Variants in EDIL3 observed in about 807,000 individuals in gnomAD.
The protein encoded by EDIL3 is EGF like and discoidin domains 3.
Under a neutral mutation model 67.4 loss-of-function variants are expected in EDIL3, and 37 were observed. That is an observed-to-expected ratio of 0.55 (90% CI 0.42 to 0.72). The LOEUF is 0.72. Ranked by LOEUF, EDIL3 falls within the 30% of genes least tolerant of loss-of-function variation. The probability of loss-of-function intolerance (pLI) is 0.00; values close to 1 mark genes in which losing one functional copy is unlikely to be tolerated. For synonymous variants in EDIL3, 195 were observed against 196.3 expected (o/e 0.99, Z 0.05); for missense variants, 527 against 586.3 (o/e 0.90, Z 1.04).
At chr5:83,967,017 T>C (rs1381282334) in intron 9 of EDIL3, among the ~76,000 whole-genome samples, 3 of 152,056 alleles carry the variant, frequency 2.0e-5, no homozygotes, top group Non-Finnish European at 4.4e-5. Flanking sequence ...ATGAGTGAAA[T>C]GGTTAACTAA....
intron 5 of EDIL3, among the ~76,000 whole-genome samples, chr5:84,125,544 A>G (rs1042728916): frequency 1.3e-5 from 2 of 152,012 alleles, no homozygotes; most frequent in Non-Finnish European, 2.9e-5. Flanking sequence ...TGATACAAGA[A>G]AGGAACTAAA....
chr5:83,959,632 CT>C (rs918951422), intron 10 of EDIL3, among the ~76,000 whole-genome samples: 10 of 150,748 alleles, frequency 6.6e-5, no homozygotes, highest in Admixed American at 2.7e-4. Flanking sequence ...ATATTGAAGA[CT>C]TTTTTTTCCT....
At chr5:84,112,238 C>T (rs759426115) in intron 5 of EDIL3, among the ~76,000 whole-genome samples, 12 of 151,932 alleles carry the variant, frequency 7.9e-5, no homozygotes, top group Non-Finnish European at 1.3e-4. Context: ...AGATTTAAGA[C>T]GGGACAAAAC....
chr5:84,205,696 G>C (rs1369705395), intron 3 of EDIL3, among the ~76,000 whole-genome samples: 2 of 152,012 alleles, frequency 1.3e-5, no homozygotes, highest in Admixed American at 6.6e-5. Context: ...TAGTTTATTT[G>C]CGTAGAGGTG....
chr5:84,342,882 T>TA (rs1747153981), intron 1 of EDIL3, among the ~76,000 whole-genome samples: 1 of 152,128 alleles, frequency 6.6e-6, no homozygotes, highest in Non-Finnish European at 1.5e-5. Context: ...GATGCTGACT[T>TA]AAAATCAAGC....
intron 10 of EDIL3, among the ~76,000 whole-genome samples, chr5:83,955,958 T>C (rs1258602007): frequency 6.6e-6 from 1 of 151,836 alleles, no homozygotes; most frequent in Non-Finnish European, 1.5e-5. Context: ...AATTAATCCT[T>C]AAAGAAGGAC....
At chr5:84,343,285 T>G (rs1360258918) in intron 1 of EDIL3, among the ~76,000 whole-genome samples, 1 of 152,098 alleles carries the variant, frequency 6.6e-6, no homozygotes, top group East Asian at 1.9e-4. Context: ...CTCTTTTATT[T>G]AATACTCACT....
rs1229298711 is a variant in EDIL3, at chr5:84,356,885, C to CT, written c.67+27422dup. ...TCAGGACCTTGAGAAAACAATCTTT[C>CT]TTTCTTTTTTTTTTTTTTTTTTTTT... On this transcript the variant is annotated intron_variant, in intron 1 of 10. Transcript: ENST00000296591. 9.4e-4 allele frequency among the ~76,000 whole-genome samples: 37 copies of CT among 39,328 alleles called. 1 individual carries two copies. Among genetic ancestry groups the CT allele is most frequent in the African/African-American group, 1.9e-3 (22 of 11,538 alleles). The allele number at this position is 39,328 out of a possible 152,430, so 25.8% of individuals were successfully genotyped here.
At chr5:84,035,061 C>T (rs1402080477) in intron 9 of EDIL3, among the ~76,000 whole-genome samples, 1 of 151,966 alleles carries the variant, frequency 6.6e-6, no homozygotes, top group Non-Finnish European at 1.5e-5. Context: ...AGATTAAAAA[C>T]TTAGAATGTT....
At chr5:84,124,781 T>C (rs1182823176) in intron 5 of EDIL3, among the ~76,000 whole-genome samples, 2 of 151,960 alleles carry the variant, frequency 1.3e-5, no homozygotes, top group African/African-American at 2.4e-5. Flanking sequence ...TTTTGCATAA[T>C]GAATGAACTC....
intron 4 of EDIL3, among the ~76,000 whole-genome samples, chr5:84,178,516 A>T (rs759237106): frequency 7.9e-5 from 12 of 152,198 alleles, no homozygotes; most frequent in Non-Finnish European, 1.8e-4. Flanking sequence ...AATTTCATCT[A>T]TAAAGAGGAC....
chr5:83,969,666 T>C (rs1744756695), intron 9 of EDIL3, among the ~76,000 whole-genome samples: 1 of 151,868 alleles, frequency 6.6e-6, no homozygotes. Context: ...GTTTCATTTA[T>C]CTTCAGGAAA....
chr5:84,274,990 AG>A (rs1344451368), intron 1 of EDIL3, among the ~76,000 whole-genome samples: 1 of 152,222 alleles, frequency 6.6e-6, no homozygotes, highest in East Asian at 1.9e-4. Flanking sequence ...AGAGACAAAA[AG>A]GACCCCAGAG....
intron 9 of EDIL3, among the ~76,000 whole-genome samples, chr5:84,034,763 A>AAATT (rs1266563731): frequency 6.6e-6 from 1 of 152,170 alleles, no homozygotes; most frequent in Non-Finnish European, 1.5e-5. Context: ...TCCAGCTAAT[A>AAATT]AGGATAGTAA....
chr5:83,982,586 C>G (rs1175859896), intron 9 of EDIL3, among the ~76,000 whole-genome samples: 1 of 152,064 alleles, frequency 6.6e-6, no homozygotes, highest in African/African-American at 2.4e-5. Context: ...GTAACTCCTT[C>G]CCTGGCATTC....
chr5:84,275,025 G>A (rs1198863787), intron 1 of EDIL3, among the ~76,000 whole-genome samples: 2 of 152,098 alleles, frequency 1.3e-5, no homozygotes, highest in Non-Finnish European at 2.9e-5. Flanking sequence ...TGAATTCTTT[G>A]CTCTTTAAAT....
At position 84,125,484 on chromosome 5, in the gene EDIL3, T is replaced by C. The variant is rs532195687; in HGVS notation, c.469+11757A>G. ...GTCATGTCAATGATAGCGTCATATATGTCCGGGAAGCATACACTTCCTTAA... is the reference window on the plus strand; with the variant it reads ...GTCATGTCAATGATAGCGTCATATACGTCCGGGAAGCATACACTTCCTTAA... On this transcript the variant is annotated intron_variant, in intron 5 of 10. Coordinates refer to ENST00000296591, the MANE Select transcript of EDIL3 (RefSeq NM_005711.5). 1.2e-4 allele frequency among the ~76,000 whole-genome samples: 19 copies of C among 152,194 alleles called. No homozygotes were observed. The South Asian group carries it at 3.5e-3, about 28-fold the overall frequency.
At chr5:84,152,259 A>G (rs1189596910) in intron 4 of EDIL3, among the ~76,000 whole-genome samples, 1 of 152,192 alleles carries the variant, frequency 6.6e-6, no homozygotes, top group African/African-American at 2.4e-5. Context: ...AAAAACTTAT[A>G]AAAATGTATG....
chr5:84,097,741 A>G (rs1364764482), intron 6 of EDIL3, among the ~76,000 whole-genome samples: 2 of 152,118 alleles, frequency 1.3e-5, no homozygotes, highest in Non-Finnish European at 2.9e-5. Flanking sequence ...ACATAAACAC[A>G]TATATATAAA....
Sources: gnomAD v4.1 joint callset for allele counts (sites outside exome capture counted in the v4.1 genomes callset) on GRCh38, gnomAD v4.1.1 for gene constraint, MANE v1.5 for transcripts, NCBI Gene and HGNC (gene_info 2026-07-23, HGNC 2026-07-21) for gene names.